Variants in ADGRL3 observed in about 807,000 individuals in gnomAD.
ADGRL3 encodes the protein calcium-independent alpha-latrotoxin receptor 3.
Under a neutral mutation model 153.5 loss-of-function variants are expected in ADGRL3, and 62 were observed. The ratio of observed to expected loss-of-function variants is 0.40; its 90% CI spans 0.33 to 0.50. ADGRL3 has a LOEUF of 0.50. ADGRL3 is among the 20% of genes least tolerant of loss of function. ADGRL3 has a pLI of 0.47. For missense variants in ADGRL3, 1,641 were observed against 1,859.4 expected (o/e 0.88, Z 2.16); for synonymous variants, 710 against 672.5 (o/e 1.06, Z -0.86).
intron 6 of ADGRL3, chr4:61,677,335 T>C (rs2095228402): frequency 2.7e-6 from 1 of 373,902 alleles, no homozygotes; most frequent in East Asian, 7.6e-5. Flanking sequence ...GAATTGTATC[T>C]AAGCTTCATC....
chr4:61,860,352 G>C (rs1269322325), intron 9 of ADGRL3, among the ~76,000 whole-genome samples: 2 of 151,862 alleles, frequency 1.3e-5, no homozygotes, highest in African/African-American at 4.8e-5. Flanking sequence ...ACAGATAAAC[G>C]TAAGCCCTTT....
intron 24 of ADGRL3, among the ~76,000 whole-genome samples, chr4:62,040,269 A>G (rs998355656): frequency 2.0e-5 from 3 of 152,020 alleles, no homozygotes; most frequent in Non-Finnish European, 2.9e-5. Flanking sequence ...ATTATTATAT[A>G]TATTTTTAAG....
intron 1 of ADGRL3, among the ~76,000 whole-genome samples, chr4:61,263,540 G>A (rs577704044): frequency 7.3e-5 from 11 of 150,860 alleles, no homozygotes; most frequent in African/African-American, 2.7e-4. Flanking sequence ...TTTACAAAAA[G>A]TATAAACACT....
chr4:61,392,152 A>G (rs997177693), intron 2 of ADGRL3, among the ~76,000 whole-genome samples: 1 of 150,268 alleles, frequency 6.7e-6, no homozygotes, highest in Non-Finnish European at 1.5e-5. Context: ...TACAGGCGTG[A>G]GCCCCCCTGC....
At chr4:62,035,879 A>G (rs963066721) in intron 23 of ADGRL3, among the ~76,000 whole-genome samples, 2 of 152,102 alleles carry the variant, frequency 1.3e-5, no homozygotes, top group Admixed American at 6.6e-5. Context: ...TATCTATAAA[A>G]TGAAGGTAAT....
chr4:61,314,339 A>G (rs1013264308), intron 1 of ADGRL3, among the ~76,000 whole-genome samples: 2 of 151,810 alleles, frequency 1.3e-5, no homozygotes, highest in Admixed American at 6.6e-5. Context: ...CCTCCTGAGT[A>G]TCTAGGATTA....
intron 2 of ADGRL3, among the ~76,000 whole-genome samples, chr4:61,433,269 T>C (rs1192974356): frequency 6.6e-6 from 1 of 152,178 alleles, no homozygotes; most frequent in Non-Finnish European, 1.5e-5. Flanking sequence ...GTATGTAAGA[T>C]GTTTTAATAT....
intron 8 of ADGRL3, among the ~76,000 whole-genome samples, chr4:61,746,053 C>T (rs1561168238): frequency 2.0e-5 from 3 of 152,060 alleles, no homozygotes; most frequent in Non-Finnish European, 4.4e-5. Flanking sequence ...GCAGGGGTTG[C>T]AATCCTAGTC....
At chr4:61,682,108 A>T (rs10866125) in intron 6 of ADGRL3, among the ~76,000 whole-genome samples, 1 of 151,844 alleles carries the variant, frequency 6.6e-6, no homozygotes, top group Non-Finnish European at 1.5e-5. Context: ...AAAAATATAC[A>T]TTATATAAAT....
At chr4:61,911,173 G>T (rs2098720299) in intron 12 of ADGRL3, among the ~76,000 whole-genome samples, 1 of 152,054 alleles carries the variant, frequency 6.6e-6, no homozygotes, top group Admixed American at 6.6e-5. Flanking sequence ...ACCGGATGTA[G>T]TCATTTCTAT....
intron 1 of ADGRL3, among the ~76,000 whole-genome samples, chr4:61,356,951 G>C (rs1164825103): frequency 6.6e-6 from 1 of 151,740 alleles, no homozygotes; most frequent in Non-Finnish European, 1.5e-5. Context: ...CCAACTTGCT[G>C]ATATAATTTA....
At chr4:61,861,780 G>A (rs554915762) in intron 9 of ADGRL3, among the ~76,000 whole-genome samples, 75 of 152,160 alleles carry the variant, frequency 4.9e-4, no homozygotes, top group Admixed American at 4.8e-3. Flanking sequence ...GGTGACTTCG[G>A]TGAATGGAAT....
At chr4:61,589,612 G>A (rs1017716156) in intron 5 of ADGRL3, among the ~76,000 whole-genome samples, 1 of 151,902 alleles carries the variant, frequency 6.6e-6, no homozygotes, top group Non-Finnish European at 1.5e-5. Context: ...CTATATCAGA[G>A]TCTAAACGTT....
intron 6 of ADGRL3, among the ~76,000 whole-genome samples, chr4:61,710,416 T>C (rs1257838221): frequency 1.3e-5 from 2 of 152,124 alleles, no homozygotes; most frequent in African/African-American, 4.8e-5. Context: ...TCCCTTATTC[T>C]CTAAGAGATT....
intron 1 of ADGRL3, among the ~76,000 whole-genome samples, chr4:61,346,181 A>G (rs985296582): frequency 6.6e-6 from 1 of 152,068 alleles, no homozygotes; most frequent in Non-Finnish European, 1.5e-5. Context: ...TGGAAGGAAC[A>G]TTTAAGCCCA....
At chr4:61,626,128 A>C (rs1300047635) in intron 5 of ADGRL3, among the ~76,000 whole-genome samples, 1 of 151,602 alleles carries the variant, frequency 6.6e-6, no homozygotes, top group African/African-American at 2.4e-5. Context: ...TCACTTTAAA[A>C]TCTACAAAAA....
rs553116463 is a variant in ADGRL3 at position 61,600,365 on chromosome 4, A to AT, written c.473+12933dup. On this transcript the variant is annotated intron_variant, in intron 5 of 26. Transcript: ENST00000683033. ...GAAATGAGATATTCAACAACTGCAGATTTTTTTTAAGAAAAAGTTGTCTCC... is the reference window on the plus strand; with the variant it reads ...GAAATGAGATATTCAACAACTGCAGATTTTTTTTTAAGAAAAAGTTGTCTCC... 3.8e-3 allele frequency among the ~76,000 whole-genome samples: 574 copies of AT among 150,792 alleles called. 2 individuals are homozygous for AT. Among genetic ancestry groups the AT allele is most frequent in the Middle Eastern group, 6.9e-3 (2 of 290 alleles).
chr4:61,208,522 A>G (rs1738367944), intron 1 of ADGRL3, among the ~76,000 whole-genome samples: 1 of 152,196 alleles, frequency 6.6e-6, no homozygotes, highest in Non-Finnish European at 1.5e-5. Flanking sequence ...ATTCAGATAC[A>G]TAATTATATT....
At chr4:62,061,206 T>C (rs1412560281) in intron 25 of ADGRL3, among the ~76,000 whole-genome samples, 2 of 151,922 alleles carry the variant, frequency 1.3e-5, no homozygotes, top group African/African-American at 4.8e-5. Context: ...GCATTTTTTT[T>C]GTTTCATTAA....
Sources: allele counts gnomAD v4.1 joint callset (sites outside exome capture counted in the v4.1 genomes callset), GRCh38; gene constraint gnomAD v4.1.1; transcripts MANE v1.5; gene names NCBI Gene and HGNC (gene_info 2026-07-23, HGNC 2026-07-21).